Variants in PLAAT3 observed in about 807,000 individuals in gnomAD.
PLAAT3 encodes the protein Ca-independent phospholipase A1/2.
Under a neutral mutation model 16.7 loss-of-function variants are expected in PLAAT3, and 21 were observed. The observed-to-expected ratio is 1.26, with a 90% CI of 0.89 to 1.81. The LOEUF (loss-of-function observed/expected upper bound fraction) is 1.81, where lower values mean the gene tolerates loss of function less well. Among genes scored for constraint, PLAAT3 ranks in the 40% most tolerant of loss-of-function variants. The pLI, the probability that PLAAT3 is intolerant of heterozygous loss-of-function variation, is 0.00. For missense variants in PLAAT3, 219 were observed against 213.7 expected (o/e 1.02, Z -0.16); for synonymous variants, 76 against 81.7 (o/e 0.93, Z 0.38).
chr11:63,590,111 G>A lies in PLAAT3; in HGVS notation c.376C>T (p.Arg126Cys), dbSNP rs61734431. ...FVNELRYGVA[R>C]SDQVRDVIIA... ...GGCAGAGGACGCACCTGGTCACTGC[G>A]GGCGACTCCATAGCGCAGCTCATTC... is the stretch of plus-strand genomic sequence containing the variant. Residue 126 changes from arginine (R) to cysteine (C), a missense_variant, in exon 4 of 5, where the codon CGC (arginine) becomes TGC (cysteine). By Grantham distance (180) the Arg-to-Cys change is radical. Transcript: ENST00000415826. 912 of 1,613,718 alleles carry A rather than the reference G, an allele frequency of 5.7e-4. 9 individuals are homozygous for A. In the African/African-American group the frequency reaches 7.1e-3, roughly 12 times the overall value.
In PLAAT3 at chr11:63,613,958, G is replaced by T. The variant is rs371751583; in HGVS notation, c.15+42C>A. ...GAGACAACGAGTCCCCACTAACAGG[G>T]GGCTCCCAGCCCCGCCCAGCCCCGC... is the stretch of plus-strand genomic sequence containing the variant. On this transcript the variant is annotated intron_variant, in intron 2 of 4. Transcript: ENST00000415826. 14 of 1,262,984 alleles carry T rather than the reference G, an allele frequency of 1.1e-5. No homozygotes were observed. In the African/African-American group the frequency reaches 2.1e-4, roughly 19 times the overall value. 78.2% of individuals were successfully genotyped at this position (1,262,984 alleles called of 1,614,324 possible).
intron 2 of PLAAT3, among the ~76,000 whole-genome samples, chr11:63,604,866 T>C (rs1276989143): frequency 1.3e-5 from 2 of 152,180 alleles, no homozygotes; most frequent in East Asian, 3.8e-4. Flanking sequence ...TGGTAATCCA[T>C]ACAATCACTA....
chr11:63,606,968 G>T lies in PLAAT3; in HGVS notation c.15+7032C>A, dbSNP rs1938583474. On this transcript the variant is annotated intron_variant, in intron 2 of 4. Coordinates refer to ENST00000415826, the MANE Select transcript of PLAAT3 (RefSeq NM_001128203.2). ...CCCTCTGGCTGCTCCGTTGAGAAGA[G>T]ATGAGATGTAGGGTGCAAGGAGGAG... Among the ~76,000 whole-genome samples, 2 of 152,214 alleles carry T rather than the reference G, an allele frequency of 1.3e-5. 1 individual carries two copies. Among genetic ancestry groups the T allele is most frequent in the Admixed American group, 1.3e-4 (2 of 15,282 alleles).
At chr11:63,604,118 C>T (rs1428642149) in intron 2 of PLAAT3, among the ~76,000 whole-genome samples, 1 of 152,176 alleles carries the variant, frequency 6.6e-6, no homozygotes, top group African/African-American at 2.4e-5. Flanking sequence ...CGCCACTGCA[C>T]TCCAGCCTTT....
At chr11:63,604,982 G>A (rs1194280233) in intron 2 of PLAAT3, among the ~76,000 whole-genome samples, 1 of 152,086 alleles carries the variant, frequency 6.6e-6, no homozygotes, top group Non-Finnish European at 1.5e-5. Context: ...GCTAAGCGTG[G>A]TTTTTGTGAT....
intron 2 of PLAAT3, among the ~76,000 whole-genome samples, chr11:63,600,839 G>A (rs1373168451): frequency 6.6e-6 from 1 of 150,426 alleles, no homozygotes; most frequent in African/African-American, 2.4e-5. Context: ...CCCAACCTCA[G>A]GTGATCCACC....
At position 63,609,514 on chromosome 11, in the gene PLAAT3, T is replaced by C. The variant is rs568634771; in HGVS notation, c.15+4486A>G. Among the ~76,000 whole-genome samples, 5 of 152,236 alleles carry C rather than the reference T, an allele frequency of 3.3e-5. No homozygotes were observed. In the South Asian group the frequency reaches 1.0e-3, roughly 32 times the overall value. ...CTGGCAGGGTTTGTGTAAAGAATCA[T>C]TGAAATAATGGAAGTGAAAGCTGTA... On this transcript the variant is annotated intron_variant, in intron 2 of 4. Coordinates refer to ENST00000415826, the MANE Select transcript of PLAAT3 (RefSeq NM_001128203.2).
chr11:63,575,117 A>G (rs1469823109), intron 4 of PLAAT3, 71 bp from the exon 5 acceptor site: 6 of 1,066,428 alleles, frequency 5.6e-6, no homozygotes, highest in Non-Finnish European at 8.7e-6. Flanking sequence ...TTCAGCAGAA[A>G]CATTCAGCTC....
At chr11:63,611,617 A>G (rs1938694905) in intron 2 of PLAAT3, among the ~76,000 whole-genome samples, 1 of 152,222 alleles carries the variant, frequency 6.6e-6, no homozygotes, top group Non-Finnish European at 1.5e-5. Flanking sequence ...CTCCATTTAT[A>G]CAGTTTATGT....
At chr11:63,592,031 T>C (rs1201922660) in intron 3 of PLAAT3, among the ~76,000 whole-genome samples, 3 of 152,142 alleles carry the variant, frequency 2.0e-5, no homozygotes, top group Non-Finnish European at 4.4e-5. Flanking sequence ...GGTGAGAAGC[T>C]CTGGGTTCGA....
chr11:63,609,774 C>A (rs1295795024), intron 2 of PLAAT3, among the ~76,000 whole-genome samples: 1 of 152,164 alleles, frequency 6.6e-6, no homozygotes, highest in Admixed American at 6.5e-5. Flanking sequence ...AGGCACCAGG[C>A]CCAGCCTCAG....
At chr11:63,614,687 T>C (rs1938788638), upstream of PLAAT3, among the ~76,000 whole-genome samples, 1 of 151,958 alleles carries the variant, frequency 6.6e-6, no homozygotes, top group African/African-American at 2.4e-5. Flanking sequence ...CACTCAAGAA[T>C]GGGCTTATAG....
At chr11:63,589,584 G>A (rs1938085217) in intron 4 of PLAAT3, among the ~76,000 whole-genome samples, 1 of 152,126 alleles carries the variant, frequency 6.6e-6, no homozygotes, top group Admixed American at 6.6e-5. Flanking sequence ...GTTCAGCCAG[G>A]CTGAAGACAG....
intron 3 of PLAAT3, among the ~76,000 whole-genome samples, chr11:63,596,197 G>A (rs144118231): frequency 0.018 from 2,351 of 133,682 alleles, 64 homozygotes; most frequent in African/African-American, 0.063. Flanking sequence ...CCGAGATCGC[G>A]CCACTACACT....
intron 2 of PLAAT3, 109 bp downstream of exon 2, chr11:63,613,891 C>T (rs958591416): frequency 2.8e-6 from 2 of 717,708 alleles, no homozygotes; most frequent in Admixed American, 2.2e-5. Context: ...GCGGGCCCCA[C>T]ATCCTCGAGG....
At chr11:63,600,244 A>T (rs933851938) in intron 2 of PLAAT3, among the ~76,000 whole-genome samples, 3 of 152,204 alleles carry the variant, frequency 2.0e-5, no homozygotes, top group African/African-American at 7.2e-5. Context: ...CGGCCTCCCA[A>T]AGTGCTGGGA....
intron 4 of PLAAT3, among the ~76,000 whole-genome samples, chr11:63,588,152 C>A (rs1450391792): frequency 6.6e-6 from 1 of 150,984 alleles, no homozygotes. Flanking sequence ...TCACTGCAAC[C>A]TCTGCCTCCC....
intron 4 of PLAAT3, among the ~76,000 whole-genome samples, chr11:63,588,757 A>G (rs1233551586): frequency 6.6e-6 from 1 of 152,222 alleles, no homozygotes; most frequent in African/African-American, 2.4e-5. Flanking sequence ...TGATCGAAGA[A>G]AAAAATAAGA....
intron 2 of PLAAT3, chr11:63,598,731 T>C: frequency 1.9e-6 from 1 of 517,828 alleles, no homozygotes; most frequent in Non-Finnish European, 3.9e-6. Flanking sequence ...GGCTGCCAGA[T>C]CTGGAGGGCA....
Sources: allele counts gnomAD v4.1 joint callset (sites outside exome capture counted in the v4.1 genomes callset), GRCh38; gene constraint gnomAD v4.1.1; transcripts MANE v1.5; gene names NCBI Gene and HGNC (gene_info 2026-07-23, HGNC 2026-07-21).